ATP2C2: variants seen among roughly 807,000 people sequenced by gnomAD.
The protein encoded by ATP2C2 is ATPase secretory pathway Ca2+ transporting 2.
In ATP2C2, 171 loss-of-function variants were observed where a neutral mutation model predicts 110.8. The observed-to-expected ratio is 1.54, with a 90% confidence interval of 1.36 to 1.75. ATP2C2 has a LOEUF of 1.75. ATP2C2 is among the 40% of genes most tolerant of loss of function. The pLI, the probability that ATP2C2 is intolerant of heterozygous loss-of-function variation, is 0.00. For missense variants in ATP2C2, 1,963 were observed against 1,235.0 expected, an observed-to-expected ratio of 1.59 and a Z score of -8.84; for synonymous variants, 804 against 508.4, an observed-to-expected ratio of 1.58 and a Z score of -7.82.
chr16:84,456,032 G>A (rs1304843177), intron 21 of ATP2C2, among the ~76,000 whole-genome samples: 1 of 105,552 alleles, frequency 9.5e-6, no homozygotes, highest in Non-Finnish European at 1.9e-5. Context: ...CGGTTTGCCA[G>A]TATTTTATTG....
At chr16:84,430,058 C>G (rs1239236089) in intron 11 of ATP2C2, among the ~76,000 whole-genome samples, 1 of 152,140 alleles carries the variant, frequency 6.6e-6, no homozygotes, top group African/African-American at 2.4e-5. Flanking sequence ...TTGTATTGGA[C>G]TAGGGTGGAT....
chr16:84,398,596 C>T lies in ATP2C2; in HGVS notation c.197C>T (p.Ala66Val). The T allele has an allele frequency of 6.2e-7, 1 of 1,609,488 alleles. No homozygotes were observed. The highest frequency in any genetic ancestry group is 8.5e-7 in the Non-Finnish European group (1 of 1,178,028). The change falls in exon 2 of 27, where the codon GCC becomes GTC. Residue 66 changes from alanine (A) to valine (V), a missense_variant. Ala to Val is a moderately conservative substitution (Grantham distance 64, BLOSUM62 0). Coordinates refer to ENST00000262429, the MANE Select transcript of ATP2C2 (RefSeq NM_014861.4). The stretch of plus-strand genomic sequence containing the variant: ...TGCAAATGCCAGAAAGAGGATTTGG[C>T]CAGAGCGTTTTGTGTAAGAATTGAA... Reference protein sequence around the residue: ...EACKCQKEDLARAFCVDLHTG... With the variant: ...EACKCQKEDLVRAFCVDLHTG...
Position 84,423,238 on chromosome 16 carries a change from G to A in ATP2C2, c.894G>A (p.Leu298=). Residue 298 remains leucine (L), a synonymous_variant, in exon 10 of 27, where the codon CTG becomes CTA. Coordinates refer to ENST00000262429, the MANE Select transcript of ATP2C2 (RefSeq NM_014861.4). ...GCATGGACAGGCTAGGAAAGCAACT[G>A]ACACTCTTCTCCTTTGGCATAATCG... is the stretch of plus-strand genomic sequence containing the variant. ...QKSMDRLGKQ[L]TLFSFGIIGL... The A allele has an allele frequency of 1.2e-6, 2 of 1,614,124 alleles. No homozygotes were observed. The highest frequency in any genetic ancestry group is 1.7e-6 in the Non-Finnish European group (2 of 1,179,998).
chr16:84,422,512 G>T lies in ATP2C2; in HGVS notation c.747G>T (p.Gly249=). 6.2e-7 allele frequency: 1 copy of T among 1,614,114 alleles called. No homozygotes were observed. The highest frequency in any genetic ancestry group is 8.5e-7 in the Non-Finnish European group (1 of 1,180,024). ...LTTLSNIVFM[G]TLVQYGRGQG... ...CCCTCAGCAACATCGTCTTCATGGGGACCCTGGTGCAGTATGGGAGGGGCC... is the reference window on the plus strand; with the variant it reads ...CCCTCAGCAACATCGTCTTCATGGGTACCCTGGTGCAGTATGGGAGGGGCC... Residue 249 remains glycine (G), a synonymous_variant, in exon 8 of 27, where the codon GGG becomes GGT. Coordinates refer to ENST00000262429, the MANE Select transcript of ATP2C2 (RefSeq NM_014861.4).
intron 3 of ATP2C2, among the ~76,000 whole-genome samples, chr16:84,405,597 G>A (rs978458131): frequency 2.9e-4 from 44 of 152,280 alleles, no homozygotes; most frequent in African/African-American, 1.1e-3. Flanking sequence ...GCCAGGTTTA[G>A]CAAATAACAA....
chr16:84,406,839 C>T (rs1030468103), intron 3 of ATP2C2, among the ~76,000 whole-genome samples: 1 of 152,138 alleles, frequency 6.6e-6, no homozygotes, highest in Non-Finnish European at 1.5e-5. Context: ...ACCCGCTCCC[C>T]CACTTCCCCT....
At chr16:84,450,465 G>C (rs56361246) in intron 17 of ATP2C2, among the ~76,000 whole-genome samples, 22,353 of 152,142 alleles carry the variant, frequency 0.15, 2,042 homozygotes, top group Non-Finnish European at 0.21. Context: ...AGGAGAGTTG[G>C]GGTGAGGGGA....
intron 16 of ATP2C2, among the ~76,000 whole-genome samples, chr16:84,447,902 AATATT>A (rs57202262): frequency 0.76 from 112,754 of 148,328 alleles, 43,675 homozygotes; most frequent in South Asian, 0.92. Flanking sequence ...ATATATAATT[AATATT>A]ATATTATCTT....
chr16:84,435,206 A>T (rs1908631034), intron 11 of ATP2C2, among the ~76,000 whole-genome samples: 1 of 152,034 alleles, frequency 6.6e-6, no homozygotes, highest in Admixed American at 6.5e-5. Context: ...TCACATTTCA[A>T]CTCCTCTGAA....
chr16:84,410,801 T>G (rs779636009), intron 6 of ATP2C2, 36 bp downstream of exon 6: 1 of 1,588,748 alleles, frequency 6.3e-7, no homozygotes, highest in South Asian at 1.1e-5. Context: ...TTTGGTTCAC[T>G]GGAGGAGCCA....
At chr16:84,417,328 G>A (rs1040417460) in intron 7 of ATP2C2, among the ~76,000 whole-genome samples, 2 of 152,112 alleles carry the variant, frequency 1.3e-5, no homozygotes, top group Admixed American at 6.6e-5. Flanking sequence ...CTCGGGGAAG[G>A]AATTCACCTC....
At chr16:84,396,342 T>C (rs946272556) in intron 1 of ATP2C2, among the ~76,000 whole-genome samples, 3 of 151,786 alleles carry the variant, frequency 2.0e-5, no homozygotes, top group Non-Finnish European at 4.4e-5. Flanking sequence ...GGTCAGAAAT[T>C]TGAGACCAGC....
At chr16:84,446,178 CAA>C (rs1909730733) in intron 15 of ATP2C2, 149 bp from the exon 16 acceptor site, 2 of 407,926 alleles carry the variant, frequency 4.9e-6, no homozygotes, top group African/African-American at 2.1e-5. Flanking sequence ...TGGGACATTC[CAA>C]GAGAAATGGC....
chr16:84,376,156 C>A (rs1427515878), intron 1 of ATP2C2, among the ~76,000 whole-genome samples: 1 of 152,126 alleles, frequency 6.6e-6, no homozygotes, highest in East Asian at 1.9e-4. Context: ...GGCTTCCCAA[C>A]ACAGAGATAA....
At chr16:84,405,343 C>T (rs1905669333) in intron 3 of ATP2C2, 99 bp downstream of exon 3, 5 of 1,031,060 alleles carry the variant, frequency 4.8e-6, no homozygotes, top group African/African-American at 3.2e-5. Flanking sequence ...CATCCTTGGA[C>T]AGCTCCCGCC....
intron 1 of ATP2C2, among the ~76,000 whole-genome samples, chr16:84,394,971 T>A (rs181589410): frequency 3.1e-4 from 47 of 152,262 alleles, no homozygotes; most frequent in African/African-American, 1.1e-3. Context: ...AACATTCACG[T>A]GCGTCAGTAT....
At chr16:84,420,003 C>G (rs915752554) in intron 7 of ATP2C2, among the ~76,000 whole-genome samples, 5 of 152,164 alleles carry the variant, frequency 3.3e-5, no homozygotes, top group African/African-American at 1.2e-4. Flanking sequence ...AGCTACTTGT[C>G]TCATGCTGAC....
In ATP2C2 at chr16:84,461,895, G is replaced by A. The variant is rs1911393730; in HGVS notation, c.2580+83G>A. On this transcript the variant is annotated intron_variant, in intron 25 of 26. Coordinates refer to ENST00000262429, the MANE Select transcript of ATP2C2 (RefSeq NM_014861.4). ...GCCCCGACCCTGCCCGCAGCATTGA[G>A]CGGCTCTGGCTCAGCGTGGGCAGTC... 9 of 1,608,208 alleles carry A rather than the reference G, an allele frequency of 5.6e-6. No individual in the cohort carries two copies. The South Asian group carries it at 9.9e-5, about 18-fold the overall frequency.
In ATP2C2 at chr16:84,415,564, G is replaced by A; in HGVS notation, c.597G>A (p.Arg199=). ...GDVVSLSIGD[R]IPADIRLTEV... ...TCGTATCTCTCTCGATCGGAGACCG[G>A]ATCCCTGCAGACATCCGACTCACTG... is the stretch of plus-strand genomic sequence containing the variant. The change falls in exon 7 of 27, where the codon CGG becomes CGA. Residue 199 remains arginine (R), a synonymous_variant. Transcript: ENST00000262429. The A allele has an allele frequency of 6.2e-7, 1 of 1,614,028 alleles. No homozygotes were observed. Among genetic ancestry groups the A allele is most frequent in the Non-Finnish European group, 8.5e-7 (1 of 1,179,950 alleles).
Sources: allele counts gnomAD v4.1 joint callset (sites outside exome capture counted in the v4.1 genomes callset), GRCh38; gene constraint gnomAD v4.1.1; transcripts MANE v1.5; gene names NCBI Gene and HGNC (gene_info 2026-07-23, HGNC 2026-07-21).